Variants in PDE11A observed in about 807,000 individuals in gnomAD.
The protein encoded by PDE11A is phosphodiesterase 11A.
A neutral mutation model predicts 100.5 loss-of-function variants in PDE11A; 100 were observed. The observed-to-expected ratio is 1.00, with a 90% CI of 0.85 to 1.18. The LOEUF is 1.18. Among genes scored for constraint, PDE11A ranks in the 50% most tolerant of loss-of-function variants. PDE11A has a pLI of 0.00. For missense variants in PDE11A, 1,141 were observed against 1,152.6 expected, an observed-to-expected ratio of 0.99 and a Z score of 0.15; for synonymous variants, 381 against 420.8, an observed-to-expected ratio of 0.91 and a Z score of 1.16.
intron 12 of PDE11A, among the ~76,000 whole-genome samples, chr2:177,718,825 T>A (rs1282490794): frequency 6.6e-6 from 1 of 152,218 alleles, no homozygotes; most frequent in Non-Finnish European, 1.5e-5. Flanking sequence ...GTTTCAAGAA[T>A]TAGCCCACAC....
intron 14 of PDE11A, among the ~76,000 whole-genome samples, chr2:177,698,217 C>T (rs2105535176): frequency 6.6e-6 from 1 of 152,312 alleles, no homozygotes; most frequent in South Asian, 2.1e-4. Flanking sequence ...TCGTTCTTGG[C>T]ACAGTGGGAC....
In PDE11A at chr2:178,072,318, C is replaced by CT. The variant is rs1336771974; in HGVS notation, c.119dup (p.Arg41GlufsTer99). ...AAGCCCCCTGACCCTGACTGTGCCT[C>CT]TGCAGCCACTTTTCAACCATCTCCT... On this transcript the variant is annotated frameshift_variant, in exon 1 of 20. Coordinates refer to ENST00000286063, the MANE Select transcript of PDE11A (RefSeq NM_016953.4). LOFTEE classifies it high-confidence loss of function. 1 of 1,614,182 alleles carries CT rather than the reference C, an allele frequency of 6.2e-7. No homozygotes were observed. The highest frequency in any genetic ancestry group is 1.7e-5 in the Admixed American group (1 of 60,026).
rs764065952 is a variant in PDE11A at position 178,072,403 on chromosome 2, T to A, written c.35A>T (p.Glu12Val). ...AASRLDFGEVETFLDRHPELF... is the reference protein window; with the variant it reads ...AASRLDFGEVVTFLDRHPELF... ...CTCTGGGTGCCTGTCCAGGAAAGTT[T>A]CCACCTCCCCAAAGTCCAGGCGGGA... Residue 12 changes from glutamate to valine, a missense_variant, in exon 1 of 20, where the codon GAA becomes GTA. Coordinates refer to ENST00000286063, the MANE Select transcript of PDE11A (RefSeq NM_016953.4). The A allele has an allele frequency of 8.1e-6, 13 of 1,613,686 alleles. No homozygotes were observed. The highest frequency in any genetic ancestry group is 1.0e-5 in the Non-Finnish European group (12 of 1,180,036).
At chr2:177,795,468 T>C (rs916718406) in intron 9 of PDE11A, among the ~76,000 whole-genome samples, 4 of 152,138 alleles carry the variant, frequency 2.6e-5, no homozygotes, top group Non-Finnish European at 1.5e-5. Flanking sequence ...TCGGCTTAAC[T>C]GCCACAGAGT....
intron 4 of PDE11A, among the ~76,000 whole-genome samples, chr2:177,877,906 C>T (rs548236752): frequency 3.3e-5 from 5 of 152,152 alleles, no homozygotes; most frequent in South Asian, 2.1e-4. Flanking sequence ...CTTAGCCGTA[C>T]GCAGTCATGC....
At chr2:177,898,222 T>C (rs370887189) in intron 3 of PDE11A, 24 bp from the exon 4 acceptor site, 1 of 1,562,320 alleles carries the variant, frequency 6.4e-7, no homozygotes, top group Non-Finnish European at 8.8e-7. Context: ...AATAGATGTA[T>C]ATAAGTGGAT....
At chr2:177,834,013 C>G in intron 6 of PDE11A, among the ~76,000 whole-genome samples, 1 of 152,206 alleles carries the variant, frequency 6.6e-6, no homozygotes, top group East Asian at 1.9e-4. Flanking sequence ...GGAGCCTGGC[C>G]TCTTCAGCTG....
At chr2:178,080,844 T>C (rs540344255) in intron 2 of PDE11A, among the ~76,000 whole-genome samples, 39 of 152,262 alleles carry the variant, frequency 2.6e-4, no homozygotes, top group African/African-American at 8.9e-4. Flanking sequence ...CCCTCAATTA[T>C]TTATTTTATT....
intron 14 of PDE11A, among the ~76,000 whole-genome samples, chr2:177,700,840 G>A (rs2081186466): frequency 6.6e-6 from 1 of 152,170 alleles, no homozygotes; most frequent in Non-Finnish European, 1.5e-5. Flanking sequence ...GTCAGGTCAT[G>A]CTCTGGTGAC....
At chr2:178,014,047 GAAC>G (rs371850927) in intron 2 of PDE11A, among the ~76,000 whole-genome samples, 101 of 151,952 alleles carry the variant, frequency 6.6e-4, no homozygotes, top group African/African-American at 2.2e-3. Context: ...AAAGACCAGG[GAAC>G]AACAAGAATA....
At chr2:177,910,418 C>CTG (rs1559002371) in intron 2 of PDE11A, among the ~76,000 whole-genome samples, 1 of 86,270 alleles carries the variant, frequency 1.2e-5, no homozygotes, top group Non-Finnish European at 2.3e-5. Flanking sequence ...CTCTGTCTCT[C>CTG]TCTCTCTCTC....
intron 5 of PDE11A, among the ~76,000 whole-genome samples, chr2:177,845,689 G>C (rs1180651295): frequency 6.6e-6 from 1 of 152,168 alleles, no homozygotes; most frequent in Non-Finnish European, 1.5e-5. Flanking sequence ...CAGCTGGGAG[G>C]TGGAGGTTGT....
chr2:178,041,918 G>A (rs1381134519), intron 1 of PDE11A, among the ~76,000 whole-genome samples: 2 of 152,086 alleles, frequency 1.3e-5, no homozygotes, highest in Admixed American at 6.5e-5. Context: ...TTCTGATAAG[G>A]CCCATATTAA....
intron 5 of PDE11A, among the ~76,000 whole-genome samples, chr2:177,841,266 C>T (rs1392292592): frequency 1.3e-5 from 2 of 152,086 alleles, no homozygotes; most frequent in Non-Finnish European, 2.9e-5. Flanking sequence ...AAATTGAGAA[C>T]TGTTCAAATT....
intron 2 of PDE11A, chr2:177,921,718 T>A (rs1323837137): frequency 6.6e-6 from 1 of 152,198 alleles, no homozygotes; most frequent in East Asian, 1.9e-4. Flanking sequence ...CATATCAAAA[T>A]GCAACCACTG....
intron 9 of PDE11A, among the ~76,000 whole-genome samples, chr2:177,793,290 A>G (rs1333690755): frequency 6.6e-6 from 1 of 152,164 alleles, no homozygotes; most frequent in Non-Finnish European, 1.5e-5. Flanking sequence ...GCCCCTCCTC[A>G]GTGATACCCC....
chr2:177,636,531 CT>C (rs1195262361), intron 19 of PDE11A, among the ~76,000 whole-genome samples: 2 of 152,150 alleles, frequency 1.3e-5, no homozygotes, highest in African/African-American at 4.8e-5. Flanking sequence ...GTGCTTAACA[CT>C]GTCATATAAT....
intron 5 of PDE11A, among the ~76,000 whole-genome samples, chr2:177,847,287 T>C (rs1298710841): frequency 6.6e-6 from 1 of 152,200 alleles, no homozygotes; most frequent in Non-Finnish European, 1.5e-5. Context: ...TAGTTCCCAA[T>C]AGGTCTTATT....
In PDE11A at chr2:177,957,063, A is replaced by G. The variant is rs928012154; in HGVS notation, c.1072-51876T>C. Among the ~76,000 whole-genome samples, 8 of 151,450 alleles carry G rather than the reference A, an allele frequency of 5.3e-5. No homozygotes were observed. In the South Asian group the frequency reaches 1.7e-3, roughly 32 times the overall value. On this transcript the variant is annotated intron_variant, in intron 2 of 19. Transcript: ENST00000286063. ...ACTTAAAGTATAATAATAATAAAAT[A>G]AAAAAAAAGAAAAGAGCAAAAAAAC...
Sources: gnomAD v4.1 joint callset for allele counts (sites outside exome capture counted in the v4.1 genomes callset) on GRCh38, gnomAD v4.1.1 for gene constraint, MANE v1.5 for transcripts, NCBI Gene and HGNC (gene_info 2026-07-23, HGNC 2026-07-21) for gene names.